CDK20: variants seen among roughly 807,000 people sequenced by gnomAD.
CDK20 encodes the protein cyclin dependent kinase 20.
A neutral mutation model predicts 38.6 loss-of-function variants in CDK20; 40 were observed. The observed-to-expected ratio is 1.04, with a 90% confidence interval of 0.81 to 1.35. The LOEUF is 1.35. Among genes scored for constraint, CDK20 ranks in the 40% most tolerant of loss-of-function variants. The probability of loss-of-function intolerance (pLI) is 0.00; values close to 1 mark genes in which losing one functional copy is unlikely to be tolerated. For synonymous variants in CDK20, 209 were observed against 185.7 expected (o/e 1.13, Z -1.02); for missense variants, 512 against 452.6 (o/e 1.13, Z -1.19).
chr9:87,971,498 C>T (rs1278178290), intron 2 of CDK20, among the ~76,000 whole-genome samples, 163 bp from the exon 3 acceptor site: 5 of 152,228 alleles, frequency 3.3e-5, no homozygotes, highest in Non-Finnish European at 1.5e-5. Context: ...GCTCGATGCT[C>T]ATGATTTGCT....
intron 2 of CDK20, among the ~76,000 whole-genome samples, chr9:87,973,612 T>C (rs1468550989): frequency 6.6e-6 from 1 of 152,080 alleles, no homozygotes; most frequent in African/African-American, 2.4e-5. Flanking sequence ...GCTCAATAGG[T>C]GCTAGTTACA....
In CDK20 at chr9:87,967,483, C is replaced by T. The variant is rs373387759; in HGVS notation, c.1020G>A (p.Arg340=). ...EESLLNPELI[R]PFILEG ...CTTCTCACCCCTCCAGGATGAAGGGCCGAATCAGCTCTGGGTTCAACAGCG... is the reference window on the plus strand; with the variant it reads ...CTTCTCACCCCTCCAGGATGAAGGGTCGAATCAGCTCTGGGTTCAACAGCG... Residue 340 remains arginine (R), a synonymous_variant, in exon 8 of 8, where the codon CGG becomes CGA. Transcript: ENST00000325303. 30 of 1,555,112 alleles carry T rather than the reference C, an allele frequency of 1.9e-5. No homozygotes were observed. Among genetic ancestry groups the T allele is most frequent in the Non-Finnish European group, 2.5e-5 (29 of 1,149,158 alleles).
intron 2 of CDK20, among the ~76,000 whole-genome samples, chr9:87,973,128 C>T (rs999091246): frequency 6.6e-6 from 1 of 152,160 alleles, no homozygotes; most frequent in South Asian, 2.1e-4. Context: ...TCATGCATAT[C>T]TCCAGATCAC....
chr9:87,969,637 AG>A, intron 6 of CDK20, 158 bp downstream of exon 6: 1 of 1,153,454 alleles, frequency 8.7e-7, no homozygotes, highest in Non-Finnish European at 1.2e-6. Flanking sequence ...AAATGACAGC[AG>A]GAAGGAGGAA....
At position 87,966,897 on chromosome 9, in the gene CDK20, G is replaced by A. The variant is rs141203818; in HGVS notation, c.*565C>T. 16 of 377,460 alleles carry A rather than the reference G, an allele frequency of 4.2e-5. No homozygotes were observed. The highest frequency in any genetic ancestry group is 9.0e-4 in the Middle Eastern group (2 of 2,228). The allele number at this position is 377,460 out of a possible 1,614,324, so 23.4% of individuals were successfully genotyped here. On this transcript the variant is annotated 3_prime_UTR_variant, in exon 8 of 8. Coordinates refer to ENST00000325303, the MANE Select transcript of CDK20 (RefSeq NM_001039803.3). ...CTACCCTCCCCATGACCCCAAAAAC[G>A]AGAGCCATGAGACAATGCCACCTTA... is the stretch of plus-strand genomic sequence containing the variant.
At chr9:87,970,382 C>G (rs903506749) in intron 5 of CDK20, 186 bp downstream of exon 5, 1 of 598,000 alleles carries the variant, frequency 1.7e-6, no homozygotes, top group Non-Finnish European at 2.9e-6. Flanking sequence ...GGCCCCTACC[C>G]AGCTCGAAAA....
intron 2 of CDK20, among the ~76,000 whole-genome samples, chr9:87,972,926 C>T (rs1016945796): frequency 6.6e-6 from 1 of 152,146 alleles, no homozygotes; most frequent in Admixed American, 6.5e-5. Flanking sequence ...AAAACACATG[C>T]ACACATTCAG....
Position 87,971,230 on chromosome 9 carries a change from G to C in CDK20, c.295C>G (p.Leu99Val). 6.2e-7 allele frequency: 1 copy of C among 1,614,184 alleles called. No individual in the cohort carries two copies. Among genetic ancestry groups the C allele is most frequent in the African/African-American group, 1.3e-5 (1 of 75,070 alleles). The change falls in exon 3 of 8, where the codon CTA becomes GTA. Residue 99 changes from leucine to valine, a missense_variant. By Grantham distance (32) the Leu-to-Val change is conservative. Coordinates refer to ENST00000325303, the MANE Select transcript of CDK20 (RefSeq NM_001039803.3). ...TAGCTCTTGACCTGTGCCTGGGCTA[G>C]TGGCCTCTGGGCATGGCGCACCACC... ...AEVVRHAQRP[L>V]AQAQVKSYLQ...
At position 87,969,919 on chromosome 9, in the gene CDK20, C is replaced by G. The variant is rs1057519438; in HGVS notation, c.564G>C (p.Trp188Cys). 6.4e-7 allele frequency: 1 copy of G among 1,558,312 alleles called. No homozygotes were observed. The highest frequency in any genetic ancestry group is 8.7e-7 in the Non-Finnish European group (1 of 1,151,056). The change falls in exon 6 of 8, where the codon TGG becomes TGC. Residue 188 changes from tryptophan (W) to cysteine (C), a missense_variant and splice_region_variant. By Grantham distance (215) the Trp-to-Cys change is radical. Transcript: ENST00000325303. ...ARQYDQGVDL[W>C]SVGCIMGELL... ...GCTCCCCCATGATGCAGCCCACAGA[C>G]CTGTGGACACAGAGCCCCAAGCAGG...
At chr9:87,971,077 C>A in intron 3 of CDK20, 70 bp downstream of exon 3, 2 of 1,542,254 alleles carry the variant, frequency 1.3e-6, no homozygotes, top group Non-Finnish European at 1.8e-6. Context: ...ACACCTTTTA[C>A]AAGGGCTAGC....
rs761193830 is a variant in CDK20, at chr9:87,970,635, G to A, written c.501-5C>T. 36 of 1,613,906 alleles carry A rather than the reference G, an allele frequency of 2.2e-5. No individual in the cohort carries two copies. Among genetic ancestry groups the A allele is most frequent in the Middle Eastern group, 1.6e-4 (1 of 6,082 alleles). ...AGCTCGGGGGCTCGGTACCACCTGCGAGGAAGAGGGCTGGCAGGCACTGGG... is the reference window on the plus strand; with the variant it reads ...AGCTCGGGGGCTCGGTACCACCTGCAAGGAAGAGGGCTGGCAGGCACTGGG... On this transcript the variant is annotated splice_polypyrimidine_tract_variant and splice_region_variant and intron_variant, in intron 4 of 7. Coordinates refer to ENST00000325303, the MANE Select transcript of CDK20 (RefSeq NM_001039803.3).
intron 7 of CDK20, 23 bp from the exon 8 acceptor site, chr9:87,967,682 A>G: frequency 3.4e-6 from 5 of 1,457,900 alleles, no homozygotes; most frequent in Middle Eastern, 1.8e-4. Flanking sequence ...AGTAAGGAAC[A>G]GCAGAAGGAA....
Position 87,969,876 on chromosome 9 carries a change from G to T in CDK20, c.607C>A (p.Leu203Ile). 6.2e-7 allele frequency: 1 copy of T among 1,602,794 alleles called. No homozygotes were observed. Among genetic ancestry groups the T allele is most frequent in the Non-Finnish European group, 8.5e-7 (1 of 1,173,780 alleles). The change falls in exon 6 of 8, where the codon CTT becomes ATT. Residue 203 changes from leucine (L) to isoleucine (I), a missense_variant. By Grantham distance (5) the Leu-to-Ile change is conservative (BLOSUM62 2). Coordinates refer to ENST00000325303, the MANE Select transcript of CDK20 (RefSeq NM_001039803.3). ...IMGELLNGSP[L>I]FPGKNDIEQL... ...TCAATATCGTTCTTGCCCGGGAAAA[G>T]GGGGGACCCATTCAACAGCTCCCCC... is the stretch of plus-strand genomic sequence containing the variant.
Position 87,966,846 on chromosome 9 carries a change from CAG to C in CDK20, c.*614_*615del. ...TGATGTGAAGTACACAGGAGTCCCT[CAG>C]GGCAAAAGTGGCTATGCCTGGTGCT... On this transcript the variant is annotated 3_prime_UTR_variant, in exon 8 of 8. Transcript: ENST00000325303. 1 of 359,758 alleles carries C rather than the reference CAG, an allele frequency of 2.8e-6. No homozygotes were observed. The highest frequency in any genetic ancestry group is 2.1e-5 in the South Asian group (1 of 47,514). The allele number at this position is 359,758 out of a possible 1,614,324, so 22.3% of individuals were successfully genotyped here.
At position 87,970,774 on chromosome 9, in the gene CDK20, A is replaced by G. The variant is rs776988678; in HGVS notation, c.500+2T>C. The G allele has an allele frequency of 6.2e-7, 1 of 1,613,966 alleles. No homozygotes were observed. The highest frequency in any genetic ancestry group is 2.2e-5 in the East Asian group (1 of 44,850). On this transcript the variant is annotated splice_donor_variant, in intron 4 of 7. Coordinates refer to ENST00000325303, the MANE Select transcript of CDK20 (RefSeq NM_001039803.3). LOFTEE classifies it high-confidence loss of function. ...GACTGGAAGGGATCTGGCCCTCCCT[A>G]CCTGGTGGCCACCTGGTGTGTGTAG... is the stretch of plus-strand genomic sequence containing the variant.
Position 87,973,911 on chromosome 9 carries a change from C to T in CDK20, c.189+11G>A, listed in dbSNP as rs1830041624. On this transcript the variant is annotated intron_variant, in intron 2 of 7. Transcript: ENST00000325303. ...AGGGTGAGAATACCATGCCCCCCCT[C>T]CCCTACTCACATACTGATTGTCCTC... 1.2e-6 allele frequency: 2 copies of T among 1,612,696 alleles called. No homozygotes were observed. The highest frequency in any genetic ancestry group is 8.5e-7 in the Non-Finnish European group (1 of 1,179,322).
At chr9:87,972,545 G>A (rs1829934741) in intron 2 of CDK20, among the ~76,000 whole-genome samples, 1 of 151,916 alleles carries the variant, frequency 6.6e-6, no homozygotes, top group Non-Finnish European at 1.5e-5. Flanking sequence ...TGGGCACATG[G>A]TGATAGTGCT....
At position 87,971,184 on chromosome 9, in the gene CDK20, C is replaced by G; in HGVS notation, c.341G>C (p.Gly114Ala). 4.3e-6 allele frequency: 7 copies of G among 1,614,228 alleles called. No homozygotes were observed. The highest frequency in any genetic ancestry group is 5.9e-6 in the Non-Finnish European group (7 of 1,180,048). The change falls in exon 3 of 8, where the codon GGT becomes GCT. Residue 114 changes from glycine to alanine, a missense_variant. Physicochemically the swap from Gly to Ala is moderately conservative, Grantham distance 60 (BLOSUM62 0). Coordinates refer to ENST00000325303, the MANE Select transcript of CDK20 (RefSeq NM_001039803.3). ...GTTGTTGGCATGGCAGAAGGCGACA[C>G]CCTTGAGCAGCATCTGCAGGTAGCT... ...VKSYLQMLLK[G>A]VAFCHANNIV...
At chr9:87,970,705 A>G (rs889174522) in intron 4 of CDK20, 71 bp downstream of exon 4, 4 of 1,612,492 alleles carry the variant, frequency 2.5e-6, no homozygotes, top group African/African-American at 1.3e-5. Context: ...CCCACAAGCA[A>G]TGTCTGGAGA....
Sources: gnomAD v4.1 joint callset for allele counts (sites outside exome capture counted in the v4.1 genomes callset) on GRCh38, gnomAD v4.1.1 for gene constraint, MANE v1.5 for transcripts, NCBI Gene and HGNC (gene_info 2026-07-23, HGNC 2026-07-21) for gene names.